Variants in TEX9 observed in about 807,000 individuals in gnomAD.
TEX9 encodes the protein testis-expressed protein 9.
In TEX9, 74 loss-of-function variants were observed where a neutral mutation model predicts 59.6. That is an observed-to-expected ratio of 1.24 (90% CI 1.03 to 1.51). TEX9 has a LOEUF of 1.51. Among genes scored for constraint, TEX9 ranks in the 40% most tolerant of loss-of-function variants. The pLI is 0.00. For missense variants in TEX9, 522 were observed against 447.8 expected, an observed-to-expected ratio of 1.17 and a Z score of -1.49; for synonymous variants, 186 against 152.2, an observed-to-expected ratio of 1.22 and a Z score of -1.64.
intron 1 of TEX9, among the ~76,000 whole-genome samples, chr15:56,291,796 C>T (rs2045101418): frequency 1.3e-5 from 2 of 152,210 alleles, no homozygotes; most frequent in African/African-American, 4.8e-5. Flanking sequence ...CATAGGGCTT[C>T]AGCCAATTCT....
intron 1 of TEX9, among the ~76,000 whole-genome samples, chr15:56,318,261 TTGTCTC>T (rs2045824274): frequency 6.6e-6 from 1 of 152,192 alleles, no homozygotes; most frequent in African/African-American, 2.4e-5. Context: ...AAGTCCTTCT[TTGTCTC>T]TGTTAACACT....
intron 12 of TEX9, chr15:56,444,660 T>C (rs1719979023): frequency 6.2e-7 from 1 of 1,611,066 alleles, no homozygotes; most frequent in South Asian, 1.1e-5. Context: ...TTTGGCTATT[T>C]CAGCATCACG....
chr15:56,333,494 C>G (rs2046199166), intron 1 of TEX9, among the ~76,000 whole-genome samples: 1 of 146,776 alleles, frequency 6.8e-6, no homozygotes, highest in African/African-American at 2.5e-5. Context: ...AAAAAACCCT[C>G]AAAAAACTGG....
chr15:56,271,518 C>G (rs1379262719), intron 1 of TEX9, among the ~76,000 whole-genome samples: 3 of 152,088 alleles, frequency 2.0e-5, no homozygotes, highest in Admixed American at 6.5e-5. Flanking sequence ...AGGCTGGTCT[C>G]AAACTCTTGA....
intron 4 of TEX9, among the ~76,000 whole-genome samples, chr15:56,384,380 T>G (rs1428126303): frequency 6.6e-6 from 1 of 152,156 alleles, no homozygotes; most frequent in Non-Finnish European, 1.5e-5. Flanking sequence ...AACAGAAGTT[T>G]AGTTAATCTC....
intron 1 of TEX9, among the ~76,000 whole-genome samples, chr15:56,309,693 G>GTTTGTTTT (rs1290352080): frequency 1.6e-5 from 1 of 60,772 alleles, no homozygotes; most frequent in Non-Finnish European, 2.8e-5. Flanking sequence ...TTTATGGGAA[G>GTTTGTTTT]TTTTTTTTTT....
chr15:56,429,192 C>T (rs775369614), intron 12 of TEX9: 3 of 1,578,726 alleles, frequency 1.9e-6, no homozygotes, highest in South Asian at 2.3e-5. Flanking sequence ...TTTAAATACT[C>T]CCTACGAGAA....
At chr15:56,336,801 T>C (rs2046265331) in intron 1 of TEX9, among the ~76,000 whole-genome samples, 1 of 152,182 alleles carries the variant, frequency 6.6e-6, no homozygotes, top group South Asian at 2.1e-4. Context: ...TGGGCCCTTA[T>C]ACTCCTACAT....
chr15:56,437,734 A>G (rs2050752921), intron 12 of TEX9, among the ~76,000 whole-genome samples: 1 of 152,180 alleles, frequency 6.6e-6, no homozygotes, highest in African/African-American at 2.4e-5. Context: ...CTCAGCCCCA[A>G]ATCTCCTTAA....
chr15:56,348,434 C>G (rs2046514438), intron 1 of TEX9, among the ~76,000 whole-genome samples: 1 of 151,984 alleles, frequency 6.6e-6, no homozygotes, highest in Non-Finnish European at 1.5e-5. Context: ...TATAAGTGAC[C>G]TGATGAAAAG....
At chr15:56,406,397 A>T (rs1451146805) in intron 9 of TEX9, among the ~76,000 whole-genome samples, 2 of 152,168 alleles carry the variant, frequency 1.3e-5, no homozygotes, top group Admixed American at 1.3e-4. Context: ...GGGCTATTAA[A>T]AATCCACAGT....
chr15:56,267,521 G>T (rs1567067395), intron 1 of TEX9, among the ~76,000 whole-genome samples: 1 of 152,148 alleles, frequency 6.6e-6, no homozygotes, highest in East Asian at 1.9e-4. Flanking sequence ...GTAAGGAAGG[G>T]ATCCAGTTTC....
chr15:56,447,637 A>AT (rs1379012421), downstream of TEX9: 2 of 152,156 alleles, frequency 1.3e-5, no homozygotes, highest in African/African-American at 2.4e-5. Flanking sequence ...CACTGAATAT[A>AT]TTTTTTAGTT....
chr15:56,433,443 A>C (rs1477968095), intron 12 of TEX9, among the ~76,000 whole-genome samples: 1 of 152,046 alleles, frequency 6.6e-6, no homozygotes, highest in Non-Finnish European at 1.5e-5. Context: ...ATAATTAAAA[A>C]GATGGAATGA....
In TEX9 at chr15:56,394,852, T is replaced by C; in HGVS notation, c.828+18T>C. On this transcript the variant is annotated intron_variant, in intron 9 of 12. Coordinates refer to ENST00000352903, the Ensembl canonical transcript of TEX9. ...TAGAAAGGGTAATTATTTGGTATTT[T>C]TCCTAACTTAATGCCACAGATACAA... is the stretch of plus-strand genomic sequence containing the variant. 1 of 1,597,636 alleles carries C rather than the reference T, an allele frequency of 6.3e-7. No individual in the cohort carries two copies. The highest frequency in any genetic ancestry group is 8.5e-7 in the Non-Finnish European group (1 of 1,174,402).
intron 1 of TEX9, among the ~76,000 whole-genome samples, chr15:56,350,836 A>G (rs1406294428): frequency 6.6e-6 from 1 of 152,224 alleles, no homozygotes; most frequent in Non-Finnish European, 1.5e-5. Flanking sequence ...TTAGAAGATA[A>G]TTGATTAACT....
chr15:56,348,314 G>A (rs1271696413), intron 1 of TEX9, among the ~76,000 whole-genome samples: 13 of 152,034 alleles, frequency 8.6e-5, no homozygotes, highest in Admixed American at 2.6e-4. Flanking sequence ...TGTTAGGGAT[G>A]GAAATTGCAT....
At chr15:56,454,680 C>A in the TEX9 span, among the ~76,000 whole-genome samples, 1 of 152,126 alleles carries the variant, frequency 6.6e-6, no homozygotes, top group Non-Finnish European at 1.5e-5. Flanking sequence ...AGGCCAGCAT[C>A]TCCTCACATA....
chr15:56,379,473 T>C (rs190794918), intron 3 of TEX9, among the ~76,000 whole-genome samples: 252 of 152,374 alleles, frequency 1.7e-3, no homozygotes, highest in Non-Finnish European at 1.3e-3. Flanking sequence ...ACATATGGTC[T>C]GTCCTTGAGA....
Sources: gnomAD v4.1 joint callset for allele counts (sites outside exome capture counted in the v4.1 genomes callset) on GRCh38, gnomAD v4.1.1 for gene constraint, MANE v1.5 for transcripts, NCBI Gene and HGNC (gene_info 2026-07-23, HGNC 2026-07-21) for gene names.